FARP1: variants seen among roughly 807,000 people sequenced by gnomAD.
FARP1 encodes the protein FERM, ARH/RhoGEF and pleckstrin domain protein 1.
A neutral mutation model predicts 128.8 loss-of-function variants in FARP1; 52 were observed. The observed-to-expected ratio is 0.40, with a 90% confidence interval of 0.32 to 0.51. The LOEUF (loss-of-function observed/expected upper bound fraction) is 0.51, where lower values mean the gene tolerates loss of function less well. FARP1 is among the 20% of genes least tolerant of loss of function. FARP1 has a pLI of 0.45. For synonymous variants in FARP1, 580 were observed against 551.8 expected, an observed-to-expected ratio of 1.05 and a Z score of -0.72; for missense variants, 1,333 against 1,367.9, an observed-to-expected ratio of 0.97 and a Z score of 0.40.
intron 2 of FARP1, among the ~76,000 whole-genome samples, chr13:98,284,580 C>T (rs1221885601): frequency 6.6e-6 from 1 of 152,070 alleles, no homozygotes; most frequent in Non-Finnish European, 1.5e-5. Flanking sequence ...GATGAATGAA[C>T]CCATTGCTCT....
rs540148796 is a variant in FARP1 at position 98,263,593 on chromosome 13, C to T, written c.171+50180C>T. On this transcript the variant is annotated intron_variant, in intron 2 of 26. Transcript: ENST00000319562. The stretch of plus-strand genomic sequence containing the variant: ...TAAAAATCATCCATGATCCAGTGTG[C>T]AATTTCAATACACAGTTTTTCAATT... Among the ~76,000 whole-genome samples the T allele has an allele frequency of 3.9e-5, 6 of 152,264 alleles. No individual in the cohort carries two copies. The East Asian group carries it at 1.2e-3, about 29-fold the overall frequency.
At chr13:98,322,300 AAAAC>A (rs1198943621) in intron 2 of FARP1, among the ~76,000 whole-genome samples, 2 of 152,224 alleles carry the variant, frequency 1.3e-5, no homozygotes, top group Non-Finnish European at 2.9e-5. Flanking sequence ...CTCCGTCTCA[AAAAC>A]AAACAAACAA....
chr13:98,162,225 A>AG (rs1876937946), intron 1 of FARP1, among the ~76,000 whole-genome samples: 1 of 152,192 alleles, frequency 6.6e-6, no homozygotes, highest in Admixed American at 6.5e-5. Context: ...CTTAAGTGTC[A>AG]GGGGAGACAC....
Position 98,390,846 on chromosome 13 carries a change from A to T in FARP1, c.1054A>T (p.Lys352Ter), listed in dbSNP as rs752450514. The change falls in exon 11 of 27, where the codon AAA becomes TAA. Residue 352 changes from lysine to a stop codon, truncating the protein, a stop_gained. Transcript: ENST00000319562. LOFTEE classifies it high-confidence loss of function. ...TCAGAAGCAGGTTCTCGACTATGTT[A>T]AAGAAGGAGGACATAAGAAGGTGCA... ...RTQKQVLDYV[K>*]EGGHKKVQFE... The T allele has an allele frequency of 6.2e-7, 1 of 1,613,844 alleles. No homozygotes were observed. The highest frequency in any genetic ancestry group is 8.5e-7 in the Non-Finnish European group (1 of 1,179,766).
intron 2 of FARP1, among the ~76,000 whole-genome samples, chr13:98,272,556 T>G (rs1409114780): frequency 6.6e-5 from 10 of 152,200 alleles, no homozygotes; most frequent in Admixed American, 6.5e-4. Context: ...GGCTCAATAT[T>G]AACGTGCAGA....
intron 1 of FARP1, among the ~76,000 whole-genome samples, chr13:98,209,125 C>T (rs1343405065): frequency 6.6e-6 from 1 of 152,208 alleles, no homozygotes; most frequent in Non-Finnish European, 1.5e-5. Flanking sequence ...TCTCCTGCCT[C>T]AGCCTCCCGA....
In FARP1 at chr13:98,410,818, A is replaced by G; in HGVS notation, c.1687A>G (p.Thr563Ala). ...ATATCTGAAGGATCTCGAAGTTATC[A>G]CTTCGGTATGTGCAGTATTTCCCCA... ...RTYLKDLEVITSWFQSTVSKE... is the reference protein window; with the variant it reads ...RTYLKDLEVIASWFQSTVSKE... The change falls in exon 15 of 27, where the codon ACT becomes GCT. Residue 563 changes from threonine to alanine, a missense_variant. This residue lies in a region of FARP1 where 1,009 missense variants were observed against 969.8 expected (regional missense o/e 1.04). Transcript: ENST00000319562. The G allele has an allele frequency of 6.5e-7, 1 of 1,547,916 alleles. No homozygotes were observed. Among genetic ancestry groups the G allele is most frequent in the Non-Finnish European group, 8.9e-7 (1 of 1,123,432 alleles).
chr13:98,220,938 A>G (rs1360651110), intron 2 of FARP1, among the ~76,000 whole-genome samples: 2 of 152,220 alleles, frequency 1.3e-5, no homozygotes, highest in Non-Finnish European at 2.9e-5. Context: ...AAAATGGGCC[A>G]TGATCTGAGA....
chr13:98,144,306 T>G (rs1875342859), intron 1 of FARP1, among the ~76,000 whole-genome samples: 1 of 152,162 alleles, frequency 6.6e-6, no homozygotes, highest in African/African-American at 2.4e-5. Flanking sequence ...CAGCGGCTGT[T>G]GGGGATCGAG....
chr13:98,165,082 G>A (rs1877147398), intron 1 of FARP1, among the ~76,000 whole-genome samples: 1 of 151,856 alleles, frequency 6.6e-6, no homozygotes, highest in Admixed American at 6.6e-5. Flanking sequence ...GAGTGTGGTG[G>A]TACACACCTG....
At chr13:98,346,073 G>T (rs1954974797) in intron 3 of FARP1, among the ~76,000 whole-genome samples, 1 of 152,084 alleles carries the variant, frequency 6.6e-6, no homozygotes, top group African/African-American at 2.4e-5. Context: ...TGGGATTGAA[G>T]CTCGGATCTG....
intron 2 of FARP1, among the ~76,000 whole-genome samples, chr13:98,319,869 C>A (rs1385823680): frequency 6.7e-6 from 1 of 150,116 alleles, no homozygotes; most frequent in African/African-American, 2.5e-5. Context: ...TTTTTTTTTT[C>A]TTGAAAATAA....
At chr13:98,278,951 G>C (rs1305536490) in intron 2 of FARP1, among the ~76,000 whole-genome samples, 1 of 151,328 alleles carries the variant, frequency 6.6e-6, no homozygotes, top group Non-Finnish European at 1.5e-5. Context: ...TCAGCCTCCT[G>C]AGTAGCTGGG....
chr13:98,429,452 G>C (rs1404396851), intron 17 of FARP1, among the ~76,000 whole-genome samples: 2 of 152,214 alleles, frequency 1.3e-5, no homozygotes, highest in African/African-American at 4.8e-5. Flanking sequence ...CAGTGAAGTG[G>C]AAGGGGCTGG....
At chr13:98,293,251 A>G (rs904053899) in intron 2 of FARP1, among the ~76,000 whole-genome samples, 2 of 152,214 alleles carry the variant, frequency 1.3e-5, no homozygotes, top group Non-Finnish European at 2.9e-5. Flanking sequence ...GAGACCAGGC[A>G]TGCTGGATAA....
chr13:98,321,077 T>C (rs138006373), intron 2 of FARP1, among the ~76,000 whole-genome samples: 1 of 152,300 alleles, frequency 6.6e-6, no homozygotes, highest in Non-Finnish European at 1.5e-5. Context: ...TTGACGTTGT[T>C]TGAAGCTATG....
intron 17 of FARP1, 41 bp from the exon 18 acceptor site, chr13:98,431,002 A>G (rs1345630151): frequency 3.7e-6 from 5 of 1,336,560 alleles, no homozygotes; most frequent in African/African-American, 1.4e-5. Flanking sequence ...GGTGCATCCC[A>G]TTCAGCTGAA....
chr13:98,433,493 C>G (rs1892128410), intron 18 of FARP1: 1 of 152,244 alleles, frequency 6.6e-6, no homozygotes, highest in African/African-American at 2.4e-5. Context: ...CTTTGGGAGG[C>G]CAAGATGGGA....
intron 2 of FARP1, among the ~76,000 whole-genome samples, chr13:98,255,916 A>G (rs576927514): frequency 2.1e-4 from 32 of 152,356 alleles, no homozygotes; most frequent in Middle Eastern, 3.4e-3. Flanking sequence ...TTGTGTGCGC[A>G]GTCAGCCTCC....
Sources: gnomAD v4.1 joint callset for allele counts (sites outside exome capture counted in the v4.1 genomes callset) on GRCh38, gnomAD v4.1.1 for gene constraint, gnomAD v4.1.1 regional missense constraint, MANE v1.5 for transcripts, NCBI Gene and HGNC (gene_info 2026-07-23, HGNC 2026-07-21) for gene names.